PDS5B: variants seen among roughly 807,000 people sequenced by gnomAD.
PDS5B encodes PDS5 cohesin associated factor B, also known as sister chromatid cohesion protein PDS5 homolog B.
A neutral mutation model predicts 184.1 loss-of-function variants in PDS5B; 51 were observed. The ratio of observed to expected loss-of-function variants is 0.28; its 90% CI spans 0.22 to 0.35. The LOEUF (loss-of-function observed/expected upper bound fraction) is 0.35, where lower values mean the gene tolerates loss of function less well. Among genes scored for constraint, PDS5B ranks in the 10% least tolerant of loss-of-function variants. The pLI is 1.00. For synonymous variants in PDS5B, 566 were observed against 569.2 expected, an observed-to-expected ratio of 0.99 and a Z score of 0.08; for missense variants, 1,180 against 1,723.3, an observed-to-expected ratio of 0.68 and a Z score of 5.58.
chr13:32,669,223 C>T (rs993664215), intron 7 of PDS5B, among the ~76,000 whole-genome samples: 2 of 151,910 alleles, frequency 1.3e-5, no homozygotes, highest in African/African-American at 4.8e-5. Context: ...CATTAGAGCA[C>T]ACTAGGTGAG....
At chr13:32,689,053 T>C in intron 13 of PDS5B, 1 of 158,588 alleles carries the variant, frequency 6.3e-6, no homozygotes, top group Non-Finnish European at 1.4e-5. Flanking sequence ...TTACCGCATG[T>C]CATTCAGAAA....
chr13:32,672,362 A>G (rs1950959606), intron 7 of PDS5B, among the ~76,000 whole-genome samples: 1 of 152,088 alleles, frequency 6.6e-6, no homozygotes, highest in African/African-American at 2.4e-5. Context: ...AACAGCCAAT[A>G]TTGAGTGAGT....
At chr13:32,750,875 G>C (rs112572719) in intron 24 of PDS5B, among the ~76,000 whole-genome samples, 2,347 of 151,110 alleles carry the variant, frequency 0.016, 70 homozygotes, top group African/African-American at 0.055. Context: ...GTGTGTGTGT[G>C]TGTGTGTGTG....
At chr13:32,653,704 G>C (rs886463149) in intron 3 of PDS5B, among the ~76,000 whole-genome samples, 3 of 152,148 alleles carry the variant, frequency 2.0e-5, no homozygotes, top group African/African-American at 7.2e-5. Flanking sequence ...ACATGAGCTG[G>C]TCCATGTAGT....
chr13:32,670,136 T>C (rs1189351649), intron 7 of PDS5B, among the ~76,000 whole-genome samples: 1 of 152,212 alleles, frequency 6.6e-6, no homozygotes, highest in Non-Finnish European at 1.5e-5. Context: ...ACATTCTTTT[T>C]TTTTTTTATT....
intron 1 of PDS5B, among the ~76,000 whole-genome samples, chr13:32,632,557 G>A (rs1009512487): frequency 3.3e-5 from 5 of 152,220 alleles, no homozygotes; most frequent in African/African-American, 1.2e-4. Context: ...ATTTGCTGAT[G>A]TAGCTAGCTG....
chr13:32,719,400 C>T (rs1239518600), intron 19 of PDS5B, among the ~76,000 whole-genome samples: 1 of 152,132 alleles, frequency 6.6e-6, no homozygotes, highest in East Asian at 1.9e-4. Flanking sequence ...CCACGCTGGT[C>T]TTGATCTCCT....
chr13:32,757,401 C>T (rs1954222491), intron 26 of PDS5B, among the ~76,000 whole-genome samples: 1 of 152,100 alleles, frequency 6.6e-6, no homozygotes, highest in South Asian at 2.1e-4. Flanking sequence ...TAGAATAATA[C>T]CTTGCTTCAC....
rs142284169 is a variant in PDS5B at position 32,703,478 on chromosome 13, G to A, written c.1856+2040G>A. Among the ~76,000 whole-genome samples, 27 of 152,234 alleles carry A rather than the reference G, an allele frequency of 1.8e-4. 1 individual carries two copies. Among genetic ancestry groups the A allele is most frequent in the African/African-American group, 6.3e-4 (26 of 41,524 alleles). On this transcript the variant is annotated intron_variant, in intron 17 of 34. Transcript: ENST00000315596. ...AGTAGCAGTTAGTGCTTTATAATGT[G>A]CCTGGTGTTACTCTAAGAATTTATG...
chr13:32,662,998 T>A (rs1007304836), intron 6 of PDS5B, among the ~76,000 whole-genome samples: 8 of 152,098 alleles, frequency 5.3e-5, no homozygotes, highest in Non-Finnish European at 8.8e-5. Flanking sequence ...CTAGAAAATA[T>A]AACCTGGCAA....
At chr13:32,620,843 G>C (rs1278620508) in intron 1 of PDS5B, among the ~76,000 whole-genome samples, 1 of 152,094 alleles carries the variant, frequency 6.6e-6, no homozygotes, top group African/African-American at 2.4e-5. Context: ...TACATTTGTT[G>C]ACATAGTTTT....
chr13:32,701,234 A>G (rs1165260603), intron 16 of PDS5B, 89 bp from the exon 17 acceptor site: 3 of 688,738 alleles, frequency 4.4e-6, no homozygotes, highest in East Asian at 2.7e-5. Context: ...TCAGTACTAC[A>G]TGGTTTTAAT....
In PDS5B at chr13:32,727,849, T is replaced by C. The variant is rs983465112; in HGVS notation, c.2124-4252T>C. On this transcript the variant is annotated intron_variant, in intron 19 of 34. Transcript: ENST00000315596. ...TTTGGAAAAAAATTGGCCATTATTA[T>C]TTTGAATACTTTTTTTTTTAATCTA... Among the ~76,000 whole-genome samples, 3 of 151,958 alleles carry C rather than the reference T, an allele frequency of 2.0e-5. No individual in the cohort carries two copies. The South Asian group carries it at 6.2e-4, about 32-fold the overall frequency.
intron 18 of PDS5B, among the ~76,000 whole-genome samples, chr13:32,708,036 C>G (rs1040281133): frequency 4.0e-5 from 6 of 151,854 alleles, no homozygotes; most frequent in African/African-American, 1.5e-4. Context: ...TGGCAATGAC[C>G]TGATGACCCA....
At chr13:32,760,958 A>G (rs116604563) in intron 30 of PDS5B, among the ~76,000 whole-genome samples, 313 of 152,342 alleles carry the variant, frequency 2.1e-3, no homozygotes, top group African/African-American at 7.3e-3. Context: ...GTTAGTACAC[A>G]TAAACTAGTT....
At chr13:32,680,452 A>G (rs1951208191) in intron 10 of PDS5B, among the ~76,000 whole-genome samples, 1 of 152,230 alleles carries the variant, frequency 6.6e-6, no homozygotes, top group South Asian at 2.1e-4. Flanking sequence ...CTTATCTAGA[A>G]GTTAAAGGTG....
chr13:32,602,568 T>A (rs1424778547), intron 1 of PDS5B, among the ~76,000 whole-genome samples: 1 of 152,202 alleles, frequency 6.6e-6, no homozygotes, highest in African/African-American at 2.4e-5. Context: ...CATGTGCATG[T>A]GTCTTTATAG....
chr13:32,729,576 G>T (rs1011715464), intron 19 of PDS5B, among the ~76,000 whole-genome samples: 2 of 152,102 alleles, frequency 1.3e-5, no homozygotes, highest in Non-Finnish European at 2.9e-5. Flanking sequence ...GTGTAAAAAC[G>T]TTCCTATTTC....
chr13:32,673,908 C>T (rs555404443), intron 8 of PDS5B, among the ~76,000 whole-genome samples: 16 of 151,956 alleles, frequency 1.1e-4, no homozygotes, highest in South Asian at 2.1e-4. Context: ...CTGTGCCTCT[C>T]GGGATCAAGC....
Sources: allele counts gnomAD v4.1 joint callset (sites outside exome capture counted in the v4.1 genomes callset), GRCh38; gene constraint gnomAD v4.1.1; transcripts MANE v1.5; gene names NCBI Gene and HGNC (gene_info 2026-07-23, HGNC 2026-07-21).